RNF19A: variants seen among roughly 807,000 people sequenced by gnomAD.
RNF19A encodes the protein ring finger protein 19A, RBR E3 ubiquitin protein ligase.
In RNF19A, 32 loss-of-function variants were observed where a neutral mutation model predicts 75.7. The ratio of observed to expected loss-of-function variants is 0.42; its 90% CI spans 0.32 to 0.57. The LOEUF is 0.57. Ranked by LOEUF, RNF19A falls within the 20% of genes least tolerant of loss-of-function variation. RNF19A has a pLI of 0.10. For synonymous variants in RNF19A, 335 were observed against 345.2 expected (o/e 0.97, Z 0.33); for missense variants, 782 against 1,036.3 (o/e 0.75, Z 3.37).
rs2130401694 is a variant in RNF19A, at chr8:100,329,949, A to G, written c.-243+6159T>C. ...TACTTTCCAAAATCATGAACTATCT[A>G]TTACTGAATATGTTCAAGTAGAGCT... On this transcript the variant is annotated intron_variant, in intron 1 of 3. Transcript: ENST00000519527. This position sits in a 1 kb window ranked among gnomAD's most constrained non-coding sequence, Gnocchi z 4.3. 6.6e-6 allele frequency among the ~76,000 whole-genome samples: 1 copy of G among 152,350 alleles called. No individual in the cohort carries two copies. The highest frequency in any genetic ancestry group is 1.5e-5 in the Non-Finnish European group (1 of 68,034).
At chr8:100,292,230 A>C (rs1209888062) in intron 1 of RNF19A, among the ~76,000 whole-genome samples, 2 of 152,240 alleles carry the variant, frequency 1.3e-5, no homozygotes, top group Non-Finnish European at 2.9e-5. Context: ...ATTTAACTTT[A>C]ATGGCTATGT....
intron 2 of RNF19A, among the ~76,000 whole-genome samples, chr8:100,282,372 T>C (rs1820819732): frequency 1.3e-5 from 2 of 152,298 alleles, no homozygotes; most frequent in Non-Finnish European, 2.9e-5. Flanking sequence ...TCAGAAGACA[T>C]AGAAAATGTG....
chr8:100,300,147 G>C (rs1040841849), intron 1 of RNF19A, among the ~76,000 whole-genome samples: 1 of 152,100 alleles, frequency 6.6e-6, no homozygotes, highest in African/African-American at 2.4e-5. Context: ...GTTTCCCTTT[G>C]GGTATGTAGT....
rs1198828207 is a variant in RNF19A, at chr8:100,309,872, ACTC to A, written c.-102_-100del. The A allele has an allele frequency of 1.0e-6, 1 of 984,784 alleles. No homozygotes were observed. Among genetic ancestry groups the A allele is most frequent in the African/African-American group, 1.8e-5 (1 of 57,010 alleles). The allele number at this position is 984,784 out of a possible 1,614,324, so 61.0% of individuals were successfully genotyped here. ...CTCCGGGTGCCCGCCCGTACCTTTA[ACTC>A]CTCAGAGCGGCGGCAGCGCAGGGTG... is the stretch of plus-strand genomic sequence containing the variant. On this transcript the variant is annotated 5_prime_UTR_variant, in exon 1 of 10. Coordinates refer to ENST00000341084, the MANE Select transcript of RNF19A (RefSeq NM_183419.4).
At chr8:100,291,580 C>G (rs1424287185) in intron 1 of RNF19A, among the ~76,000 whole-genome samples, 1 of 152,152 alleles carries the variant, frequency 6.6e-6, no homozygotes, top group African/African-American at 2.4e-5. Context: ...CTAATAGCCA[C>G]CTATCTGCCT....
At chr8:100,291,070 G>T (rs1326191249) in intron 1 of RNF19A, among the ~76,000 whole-genome samples, 1 of 152,112 alleles carries the variant, frequency 6.6e-6, no homozygotes, top group African/African-American at 2.4e-5. Flanking sequence ...ATCCAGTATT[G>T]TATGTATAAA....
chr8:100,274,222 A>G (rs1820395056), intron 3 of RNF19A, among the ~76,000 whole-genome samples: 1 of 152,202 alleles, frequency 6.6e-6, no homozygotes, highest in Non-Finnish European at 1.5e-5. Context: ...GTGTTCTGTG[A>G]CCAATAAATA....
rs572028543 is a variant in RNF19A at position 100,275,432 on chromosome 8, T to C, written c.675-271A>G. ...GGGTTTTTTTTTTAGATTCAGGGGG[T>C]ACATGTGCAAGTTTGTTACATAGGT... On this transcript the variant is annotated intron_variant, in intron 2 of 9. Coordinates refer to ENST00000341084, the MANE Select transcript of RNF19A (RefSeq NM_183419.4). The surrounding 1 kb of genome is among the most constrained non-coding windows in gnomAD (Gnocchi z 4.3). Among the ~76,000 whole-genome samples, 10 of 151,524 alleles carry C rather than the reference T, an allele frequency of 6.6e-5. No homozygotes were observed. The highest frequency in any genetic ancestry group is 3.4e-3 in the Middle Eastern group (1 of 294).
chr8:100,288,391 C>T (rs1821133243), intron 1 of RNF19A, 124 bp from the exon 2 acceptor site: 1 of 492,350 alleles, frequency 2.0e-6, no homozygotes. Context: ...TTTTTTTTAA[C>T]AAGGCCAATT....
In RNF19A at chr8:100,287,499, A is replaced by T; in HGVS notation, c.674+2T>A. 6.3e-7 allele frequency: 1 copy of T among 1,580,918 alleles called. No individual in the cohort carries two copies. Among genetic ancestry groups the T allele is most frequent in the Non-Finnish European group, 8.6e-7 (1 of 1,163,134 alleles). On this transcript the variant is annotated splice_donor_variant, in intron 2 of 9. Coordinates refer to ENST00000341084, the MANE Select transcript of RNF19A (RefSeq NM_183419.4). LOFTEE classifies it high-confidence loss of function. The surrounding 1 kb of genome is among the most constrained non-coding windows in gnomAD (Gnocchi z 4.1). The stretch of plus-strand genomic sequence containing the variant: ...AAGAAAAATCAAACATTATCTTCTT[A>T]CCCACAGTCTGGAGCTGGACACCAC...
chr8:100,268,755 TA>T, intron 5 of RNF19A, 29 bp downstream of exon 5: 2 of 1,406,770 alleles, frequency 1.4e-6, no homozygotes, highest in South Asian at 3.0e-5. Flanking sequence ...TAGAATAAGA[TA>T]ATGGACTAAC....
At chr8:100,296,561 A>G (rs1185519667) in intron 1 of RNF19A, among the ~76,000 whole-genome samples, 1 of 151,498 alleles carries the variant, frequency 6.6e-6, no homozygotes, top group African/African-American at 2.4e-5. Flanking sequence ...AAATCCATGA[A>G]ATCTCAAAAG....
chr8:100,289,845 C>T (rs528286649), intron 1 of RNF19A, among the ~76,000 whole-genome samples: 27 of 152,262 alleles, frequency 1.8e-4, no homozygotes, highest in Non-Finnish European at 2.8e-4. Context: ...CTTAACAATG[C>T]TCACAATAGC....
Position 100,258,519 on chromosome 8 carries a change from G to T in RNF19A, c.*37C>A, listed in dbSNP as rs1005707474. 8 of 1,528,804 alleles carry T rather than the reference G, an allele frequency of 5.2e-6. No homozygotes were observed. In the African/African-American group the frequency reaches 9.6e-5, roughly 18 times the overall value. The allele number at this position is 1,528,804 out of a possible 1,614,324, so 94.7% of individuals were successfully genotyped here. On this transcript the variant is annotated 3_prime_UTR_variant, in exon 10 of 10. Transcript: ENST00000341084. The surrounding 1 kb of genome is among the most constrained non-coding windows in gnomAD (Gnocchi z 4.3). Reference sequence around the variant, plus strand: ...TGTAGTTCAACCAGCTCCAAACACGGTTGTACAGTGGTAATTATTCTGCAG... The same window carrying T: ...TGTAGTTCAACCAGCTCCAAACACGTTTGTACAGTGGTAATTATTCTGCAG...
intron 1 of RNF19A, among the ~76,000 whole-genome samples, chr8:100,319,064 G>A (rs1031086439): frequency 3.3e-5 from 5 of 152,176 alleles, no homozygotes; most frequent in Admixed American, 1.3e-4. Flanking sequence ...GAAATTCACC[G>A]TAATCAAATT....
chr8:100,292,321 C>T (rs1386185321), intron 1 of RNF19A, among the ~76,000 whole-genome samples: 1 of 152,156 alleles, frequency 6.6e-6, no homozygotes. Flanking sequence ...CACTACAAGT[C>T]ATTTACATTT....
chr8:100,266,201 A>G (rs1819964554), intron 5 of RNF19A, among the ~76,000 whole-genome samples: 1 of 152,184 alleles, frequency 6.6e-6, no homozygotes, highest in Admixed American at 6.5e-5. Flanking sequence ...TGGGTACTTT[A>G]TTGACTTAGC....
rs1221577388 is a variant in RNF19A at position 100,333,640 on chromosome 8, G to A, written c.-243+2468C>T. 1.3e-5 allele frequency among the ~76,000 whole-genome samples: 2 copies of A among 152,182 alleles called. No individual in the cohort carries two copies. The highest frequency in any genetic ancestry group is 4.8e-5 in the African/African-American group (2 of 41,442). ...GTGTGTTGCCTGGGCAACATAGCAA[G>A]AGCCCATCTCTAAAAATTTTTTTAA... On this transcript the variant is annotated intron_variant, in intron 1 of 3. Transcript: ENST00000519527. The surrounding 1 kb of genome is among the most constrained non-coding windows in gnomAD (Gnocchi z 4.7).
At position 100,258,760 on chromosome 8, in the gene RNF19A, G is replaced by A. The variant is rs746709629; in HGVS notation, c.2313C>T (p.Ser771=). Residue 771 remains serine, a synonymous_variant, in exon 10 of 10, where the codon TCC becomes TCT. Coordinates refer to ENST00000341084, the MANE Select transcript of RNF19A (RefSeq NM_183419.4). This position sits in a 1 kb window ranked among gnomAD's most constrained non-coding sequence, Gnocchi z 4.3. ...PEVENDRLEN[S]PHQCSISVVT... Reference sequence around the variant, plus strand: ...CCACAGAAATGCTACACTGATGTGGGGAATTTTCCAGACGGTCATTTTCTA... The same window carrying A: ...CCACAGAAATGCTACACTGATGTGGAGAATTTTCCAGACGGTCATTTTCTA... 2 of 1,614,174 alleles carry A rather than the reference G, an allele frequency of 1.2e-6. No homozygotes were observed. The highest frequency in any genetic ancestry group is 1.7e-6 in the Non-Finnish European group (2 of 1,180,026).
Sources: allele counts gnomAD v4.1 joint callset (sites outside exome capture counted in the v4.1 genomes callset), GRCh38; gene constraint gnomAD v4.1.1; non-coding constraint Gnocchi (gnomAD v3.1); transcripts MANE v1.5; gene names NCBI Gene and HGNC (gene_info 2026-07-23, HGNC 2026-07-21).